The following GNA14 variants were observed in gnomAD, a reference collection of about 807,000 sequenced individuals.
The protein encoded by GNA14 is guanine nucleotide-binding protein subunit alpha-14.
Under a neutral mutation model 42.0 loss-of-function variants are expected in GNA14, and 50 were observed. The observed-to-expected ratio is 1.19, with a 90% CI of 0.95 to 1.51. The LOEUF is 1.51. Among genes scored for constraint, GNA14 ranks in the 40% most tolerant of loss-of-function variants. The pLI is 0.00. For synonymous variants in GNA14, 173 were observed against 163.1 expected (o/e 1.06, Z -0.46); for missense variants, 473 against 446.2 (o/e 1.06, Z -0.54).
chr9:77,537,748 T>C (rs574542688), intron 1 of GNA14, among the ~76,000 whole-genome samples: 2 of 152,338 alleles, frequency 1.3e-5, no homozygotes, highest in South Asian at 4.1e-4. Flanking sequence ...TGTCATTTTT[T>C]GTCTTTTAGT....
At chr9:77,588,969 G>A (rs963900900) in intron 1 of GNA14, among the ~76,000 whole-genome samples, 9 of 152,182 alleles carry the variant, frequency 5.9e-5, no homozygotes, top group African/African-American at 1.9e-4. Flanking sequence ...TAAAAGCCAT[G>A]GGCCAGCACA....
chr9:77,559,912 G>A (rs897164659), intron 1 of GNA14, among the ~76,000 whole-genome samples: 1 of 152,118 alleles, frequency 6.6e-6, no homozygotes, highest in African/African-American at 2.4e-5. Flanking sequence ...ACCAGGCGGT[G>A]GTGAGTATAC....
intron 2 of GNA14, among the ~76,000 whole-genome samples, chr9:77,446,063 G>A (rs183234748): frequency 1.3e-5 from 2 of 152,308 alleles, no homozygotes; most frequent in Admixed American, 6.5e-5. Flanking sequence ...GGGAAAAGGC[G>A]GGGACTCTGC....
At chr9:77,582,961 T>C (rs552752099) in intron 1 of GNA14, among the ~76,000 whole-genome samples, 9 of 152,312 alleles carry the variant, frequency 5.9e-5, no homozygotes, top group Admixed American at 5.2e-4. Flanking sequence ...AGGCTTGATT[T>C]TCACACCTGT....
rs184426599 is a variant in GNA14, at chr9:77,612,301, C to G, written c.124+35369G>C. On this transcript the variant is annotated intron_variant, in intron 1 of 6. Transcript: ENST00000341700. ...AAAGAACTAAAATCAAAGTCCTCAC[C>G]AAACATTAAAGCTACAAGGTAGCCA... 2.2e-3 allele frequency among the ~76,000 whole-genome samples: 339 copies of G among 152,126 alleles called. 6 individuals carry two copies. The highest frequency in any genetic ancestry group is 3.1e-4 in the Non-Finnish European group (21 of 67,974).
At chr9:77,514,803 C>T (rs1236236299) in intron 2 of GNA14, among the ~76,000 whole-genome samples, 2 of 151,948 alleles carry the variant, frequency 1.3e-5, no homozygotes, top group East Asian at 1.9e-4. Flanking sequence ...TTAGTGGAGA[C>T]GGGGTTTCAC....
At chr9:77,567,174 A>C (rs1345428151) in intron 1 of GNA14, among the ~76,000 whole-genome samples, 2 of 152,188 alleles carry the variant, frequency 1.3e-5, no homozygotes, top group Admixed American at 6.5e-5. Flanking sequence ...TTAATATAAA[A>C]TGTATTGCTC....
chr9:77,639,738 G>A (rs755060416), intron 1 of GNA14, among the ~76,000 whole-genome samples: 12 of 152,270 alleles, frequency 7.9e-5, no homozygotes, highest in East Asian at 3.9e-4. Flanking sequence ...GCCCTTTTGC[G>A]GAGCCTCCTC....
In GNA14 at chr9:77,565,275, T is replaced by C. The variant is rs1254929953; in HGVS notation, c.125-36022A>G. Among the ~76,000 whole-genome samples the C allele has an allele frequency of 3.3e-5, 5 of 152,316 alleles. No homozygotes were observed. In the East Asian group the frequency reaches 9.6e-4, roughly 29 times the overall value. ...AGTATTTGAATGAGACTGGTATGAA[T>C]TGAGATGTGCCAGAGTGTAAAATAC... is the stretch of plus-strand genomic sequence containing the variant. On this transcript the variant is annotated intron_variant, in intron 1 of 6. Coordinates refer to ENST00000341700, the MANE Select transcript of GNA14 (RefSeq NM_004297.4).
At chr9:77,593,110 C>G (rs772926114) in intron 1 of GNA14, among the ~76,000 whole-genome samples, 1 of 152,082 alleles carries the variant, frequency 6.6e-6, no homozygotes, top group Non-Finnish European at 1.5e-5. Flanking sequence ...CAAACTTTGT[C>G]CTAGATTCAT....
chr9:77,582,326 T>A (rs1823238708), intron 1 of GNA14, among the ~76,000 whole-genome samples: 1 of 152,140 alleles, frequency 6.6e-6, no homozygotes, highest in South Asian at 2.1e-4. Context: ...GTGGTGTAAC[T>A]CACTAGCCTT....
intron 2 of GNA14, among the ~76,000 whole-genome samples, chr9:77,475,416 T>C (rs912308545): frequency 1.3e-5 from 2 of 152,120 alleles, no homozygotes; most frequent in African/African-American, 4.8e-5. Flanking sequence ...TAAAGCAAAA[T>C]GACAACACCT....
chr9:77,644,122 A>G (rs1467735804), intron 1 of GNA14, among the ~76,000 whole-genome samples: 1 of 152,152 alleles, frequency 6.6e-6, no homozygotes, highest in Non-Finnish European at 1.5e-5. Flanking sequence ...AGAGGTGATT[A>G]GGATAAAATG....
At chr9:77,449,490 T>C (rs1365032392) in intron 2 of GNA14, among the ~76,000 whole-genome samples, 1 of 152,210 alleles carries the variant, frequency 6.6e-6, no homozygotes, top group Non-Finnish European at 1.5e-5. Flanking sequence ...AGGTTCAATA[T>C]CGTATTGTTT....
At chr9:77,478,837 T>C (rs1836485379) in intron 2 of GNA14, among the ~76,000 whole-genome samples, 1 of 152,232 alleles carries the variant, frequency 6.6e-6, no homozygotes, top group Admixed American at 6.5e-5. Context: ...TTTTGAGAAG[T>C]GTCTGTTCAT....
At chr9:77,578,328 T>G (rs535233466) in intron 1 of GNA14, among the ~76,000 whole-genome samples, 1 of 152,280 alleles carries the variant, frequency 6.6e-6, no homozygotes, top group Non-Finnish European at 1.5e-5. Context: ...GCCTTTTATC[T>G]GAGGATCATT....
intron 2 of GNA14, among the ~76,000 whole-genome samples, chr9:77,481,227 C>T (rs1036234271): frequency 6.6e-6 from 1 of 152,032 alleles, no homozygotes; most frequent in Non-Finnish European, 1.5e-5. Context: ...TGAATGTGTC[C>T]CAGAGATTCT....
At chr9:77,597,441 G>T (rs1208090261) in intron 1 of GNA14, among the ~76,000 whole-genome samples, 1 of 152,044 alleles carries the variant, frequency 6.6e-6, no homozygotes, top group East Asian at 1.9e-4. Flanking sequence ...ACAAAACTGA[G>T]TTTTGAAAAC....
At chr9:77,619,889 A>G (rs1289734062) in intron 1 of GNA14, among the ~76,000 whole-genome samples, 1 of 152,198 alleles carries the variant, frequency 6.6e-6, no homozygotes, top group African/African-American at 2.4e-5. Flanking sequence ...CAGTCAGACT[A>G]CCAATTCATT....
Sources: allele counts gnomAD v4.1 joint callset (sites outside exome capture counted in the v4.1 genomes callset), GRCh38; gene constraint gnomAD v4.1.1; transcripts MANE v1.5; gene names NCBI Gene and HGNC (gene_info 2026-07-23, HGNC 2026-07-21).